GTF2A1L: variants seen among roughly 807,000 people sequenced by gnomAD.
GTF2A1L encodes TFIIA-alpha and beta-like factor.
Under a neutral mutation model 49.7 loss-of-function variants are expected in GTF2A1L, and 48 were observed. The observed-to-expected ratio is 0.97, with a 90% CI of 0.77 to 1.23. The LOEUF is 1.23. GTF2A1L is among the 50% of genes most tolerant of loss of function. The pLI, the probability that GTF2A1L is intolerant of heterozygous loss-of-function variation, is 0.00. For missense variants in GTF2A1L, 736 were observed against 564.8 expected (o/e 1.30, Z -3.07); for synonymous variants, 246 against 193.5 (o/e 1.27, Z -2.25).
intron 8 of GTF2A1L, among the ~76,000 whole-genome samples, chr2:48,675,815 C>G (rs529465527): frequency 6.6e-6 from 1 of 151,588 alleles, no homozygotes; most frequent in Non-Finnish European, 1.5e-5. Context: ...AGCATGGTTT[C>G]TTTATATATA....
chr2:48,672,374 A>G (rs1679219891), intron 8 of GTF2A1L, among the ~76,000 whole-genome samples: 3 of 152,172 alleles, frequency 2.0e-5, no homozygotes, highest in Admixed American at 6.5e-5. Flanking sequence ...AATATCCTGA[A>G]TGCTAGTAGG....
At chr2:48,660,188 C>G (rs1299966839) in intron 6 of GTF2A1L, among the ~76,000 whole-genome samples, 2 of 151,956 alleles carry the variant, frequency 1.3e-5, no homozygotes, top group Admixed American at 1.3e-4. Context: ...TATCTATTTG[C>G]CAGTATTTTG....
intron 8 of GTF2A1L, among the ~76,000 whole-genome samples, chr2:48,677,348 T>C (rs1679523284): frequency 6.6e-6 from 1 of 151,910 alleles, no homozygotes; most frequent in Non-Finnish European, 1.5e-5. Context: ...GGGGGCCTTA[T>C]TGAGAATGTA....
chr2:48,623,767 T>C (rs562089721), intron 3 of GTF2A1L, among the ~76,000 whole-genome samples: 1 of 152,256 alleles, frequency 6.6e-6, no homozygotes, highest in East Asian at 1.9e-4. Flanking sequence ...TGCAGCAACA[T>C]GGGTGTTGCT....
rs1029390391 is a variant in GTF2A1L at position 48,633,137 on chromosome 2, C to T, written c.248-9265C>T. On this transcript the variant is annotated intron_variant, in intron 3 of 8. Coordinates refer to ENST00000403751, the MANE Select transcript of GTF2A1L (RefSeq NM_006872.5). ...AGTTTGTTTCCTGCAAGTGATGGTTCATGACAGTATCAACATAAGTGATTA... is the reference window on the plus strand; with the variant it reads ...AGTTTGTTTCCTGCAAGTGATGGTTTATGACAGTATCAACATAAGTGATTA... 28 of 264,274 alleles carry T rather than the reference C, an allele frequency of 1.1e-4. No homozygotes were observed. In the Admixed American group the frequency reaches 1.2e-3, roughly 12 times the overall value. 16.4% of individuals were successfully genotyped at this position (264,274 alleles called of 1,614,324 possible).
chr2:48,654,486 G>A (rs950051744), intron 6 of GTF2A1L, among the ~76,000 whole-genome samples: 2 of 151,922 alleles, frequency 1.3e-5, no homozygotes, highest in African/African-American at 2.4e-5. Flanking sequence ...GGGTTCAAGC[G>A]ATTCTCCTGT....
Position 48,646,872 on chromosome 2 carries a change from A to G in GTF2A1L, c.808A>G (p.Met270Val), listed in dbSNP as rs1302119335. The part of the protein sequence containing the change: ...VESVLSGSAS[M>V]AQNLHDESLS... ...GTCAGTGCTCAGTGGTTCAGCTAGC[A>G]TGGCTCAAAATCTGCATGATGAGTC... is the stretch of plus-strand genomic sequence containing the variant. The change falls in exon 6 of 9, where the codon ATG becomes GTG. Residue 270 changes from methionine to valine, a missense_variant. Physicochemically the swap from Met to Val is conservative, Grantham distance 21. Coordinates refer to ENST00000403751, the MANE Select transcript of GTF2A1L (RefSeq NM_006872.5). The G allele has an allele frequency of 1.9e-6, 3 of 1,614,214 alleles. No individual in the cohort carries two copies. The highest frequency in any genetic ancestry group is 1.7e-5 in the Admixed American group (1 of 60,020).
Position 48,629,072 on chromosome 2 carries a change from C to A in GTF2A1L, c.247+7782C>A, listed in dbSNP as rs1355718381. On this transcript the variant is annotated intron_variant, in intron 3 of 8. Coordinates refer to ENST00000403751, the MANE Select transcript of GTF2A1L (RefSeq NM_006872.5). Reference sequence around the variant, plus strand: ...GCCTGACCAACATGGTGAAACCTGTCTTTACTAAAAATACAAAAATTAGCC... The same window carrying A: ...GCCTGACCAACATGGTGAAACCTGTATTTACTAAAAATACAAAAATTAGCC... Among the ~76,000 whole-genome samples the A allele has an allele frequency of 2.1e-5, 3 of 142,726 alleles. No individual in the cohort carries two copies. In the Admixed American group the frequency reaches 2.1e-4, roughly 10 times the overall value. 93.6% of individuals were successfully genotyped at this position (142,726 alleles called of 152,430 possible).
At chr2:48,649,572 A>G (rs148934447) in intron 6 of GTF2A1L, among the ~76,000 whole-genome samples, 4 of 152,334 alleles carry the variant, frequency 2.6e-5, no homozygotes, top group African/African-American at 9.6e-5. Context: ...AGATAATAGT[A>G]TCTACCATGT....
At chr2:48,651,520 A>G (rs753023126) in intron 6 of GTF2A1L, among the ~76,000 whole-genome samples, 2 of 150,560 alleles carry the variant, frequency 1.3e-5, no homozygotes, top group African/African-American at 2.4e-5. Context: ...ACTCTATACC[A>G]TTGGAGCTCC....
At chr2:48,634,819 C>A (rs1344317807) in intron 3 of GTF2A1L, among the ~76,000 whole-genome samples, 2 of 152,098 alleles carry the variant, frequency 1.3e-5, no homozygotes, top group Non-Finnish European at 2.9e-5. Context: ...TCTCTAGCTG[C>A]CTCTAAGATT....
intron 6 of GTF2A1L, among the ~76,000 whole-genome samples, chr2:48,654,313 C>A (rs1183366428): frequency 6.6e-6 from 1 of 152,092 alleles, no homozygotes; most frequent in African/African-American, 2.4e-5. Context: ...TATAATACTT[C>A]TAAAAACTGT....
chr2:48,656,348 GTTTTTTT>G lies in GTF2A1L; in HGVS notation c.978+9329_978+9335del, dbSNP rs367837291. 5.4e-4 allele frequency among the ~76,000 whole-genome samples: 62 copies of G among 114,538 alleles called. 1 individual carries two copies. Among genetic ancestry groups the G allele is most frequent in the African/African-American group, 1.1e-3 (33 of 28,718 alleles). The allele number at this position is 114,538 out of a possible 152,430, so 75.1% of individuals were successfully genotyped here. A position where few individuals can be genotyped will look rare whatever the true frequency, so the allele number is the denominator to read the frequency against. On this transcript the variant is annotated intron_variant, in intron 6 of 8. Coordinates refer to ENST00000403751, the MANE Select transcript of GTF2A1L (RefSeq NM_006872.5). ...ATATCCCCACCAACGCTTATTTTCT[GTTTTTTT>G]TTTTTTTTTTTTTTTTTTTTTTAAT...
chr2:48,644,924 G>C, intron 4 of GTF2A1L, 109 bp from the exon 5 acceptor site: 2 of 910,224 alleles, frequency 2.2e-6, no homozygotes, highest in Non-Finnish European at 3.2e-6. Flanking sequence ...GTTAAGTATT[G>C]TCAAACTATT....
Position 48,624,779 on chromosome 2 carries a change from T to C in GTF2A1L, c.247+3489T>C, listed in dbSNP as rs968606896. Among the ~76,000 whole-genome samples the C allele has an allele frequency of 3.5e-5, 5 of 143,288 alleles. 1 individual carries two copies. Among genetic ancestry groups the C allele is most frequent in the African/African-American group, 9.9e-5 (4 of 40,338 alleles). 94.0% of individuals were successfully genotyped at this position (143,288 alleles called of 152,430 possible). On this transcript the variant is annotated intron_variant, in intron 3 of 8. Coordinates refer to ENST00000403751, the MANE Select transcript of GTF2A1L (RefSeq NM_006872.5). ...TATTTGTGGTTTTTTTTTTTTAACA[T>C]ATAAATGAGATCATGCAATACTTTT...
intron 6 of GTF2A1L, among the ~76,000 whole-genome samples, chr2:48,659,228 C>A (rs1268456738): frequency 6.6e-6 from 1 of 152,028 alleles, no homozygotes; most frequent in Non-Finnish European, 1.5e-5. Context: ...TGGATGTCTA[C>A]CTTTCTAGCA....
In GTF2A1L at chr2:48,624,144, C is replaced by G. The variant is rs954937583; in HGVS notation, c.247+2854C>G. ...TCTTCAGTTCTCTACTTTGTTTGGT[C>G]TCAGGACCCCTTTAAGCTCATAAAA... On this transcript the variant is annotated intron_variant, in intron 3 of 8. Coordinates refer to ENST00000403751, the MANE Select transcript of GTF2A1L (RefSeq NM_006872.5). Among the ~76,000 whole-genome samples the G allele has an allele frequency of 7.4e-5, 8 of 108,526 alleles. 2 individuals carry two copies. The highest frequency in any genetic ancestry group is 2.8e-5 in the African/African-American group (1 of 35,294). 71.2% of individuals were successfully genotyped at this position (108,526 alleles called of 152,430 possible).
chr2:48,633,579 A>G (rs530575213), intron 3 of GTF2A1L, among the ~76,000 whole-genome samples: 1 of 152,174 alleles, frequency 6.6e-6, no homozygotes, highest in African/African-American at 2.4e-5. Flanking sequence ...ATTGTGGAGT[A>G]TGTTCCATGT....
At chr2:48,669,694 A>T (rs1034823244) in intron 6 of GTF2A1L, 28 bp from the exon 7 acceptor site, 1 of 1,586,322 alleles carries the variant, frequency 6.3e-7, no homozygotes, top group Admixed American at 1.8e-5. Context: ...TTTGACTTGA[A>T]CTTTATTGTA....
Sources: allele counts gnomAD v4.1 joint callset (sites outside exome capture counted in the v4.1 genomes callset), GRCh38; gene constraint gnomAD v4.1.1; transcripts MANE v1.5; gene names NCBI Gene and HGNC (gene_info 2026-07-23, HGNC 2026-07-21).